The following CNTNAP4 variants were observed in gnomAD, a reference collection of about 807,000 sequenced individuals.
CNTNAP4 encodes contactin-associated protein-like 4.
CNTNAP4 carries 98 observed loss-of-function variants against 148.4 expected under a neutral mutation model. The observed-to-expected ratio is 0.66, with a 90% CI of 0.56 to 0.78. The LOEUF (loss-of-function observed/expected upper bound fraction) is 0.78. Among genes scored for constraint, CNTNAP4 ranks in the 30% least tolerant of loss-of-function variants. The probability of loss-of-function intolerance (pLI) is 0.00; values close to 1 mark genes in which losing one functional copy is unlikely to be tolerated. For synonymous variants in CNTNAP4, 730 were observed against 565.1 expected (o/e 1.29, Z -4.14); for missense variants, 1,935 against 1,565.6 (o/e 1.24, Z -3.98).
intron 15 of CNTNAP4, among the ~76,000 whole-genome samples, chr16:76,517,879 C>A (rs1234508990): frequency 6.6e-6 from 1 of 151,946 alleles, no homozygotes; most frequent in African/African-American, 2.4e-5. Flanking sequence ...TCTCCATAAG[C>A]CTGTTTTTTT....
chr16:76,414,751 G>T (rs904565887), intron 3 of CNTNAP4, among the ~76,000 whole-genome samples: 3 of 151,232 alleles, frequency 2.0e-5, no homozygotes, highest in Non-Finnish European at 4.4e-5. Context: ...GGTAAGTGGC[G>T]ATTGGTTTGG....
At chr16:76,537,473 A>G (rs190680472) in intron 18 of CNTNAP4, among the ~76,000 whole-genome samples, 1 of 152,256 alleles carries the variant, frequency 6.6e-6, no homozygotes, top group Admixed American at 6.5e-5. Context: ...AGAGAGAGGA[A>G]GACAGAGAGA....
At chr16:76,382,776 T>A (rs945817571) in intron 3 of CNTNAP4, among the ~76,000 whole-genome samples, 2 of 152,120 alleles carry the variant, frequency 1.3e-5, no homozygotes, top group African/African-American at 4.8e-5. Context: ...TCTAAAAGGA[T>A]CTAGAATTCC....
chr16:76,372,647 C>T (rs1164858793), intron 3 of CNTNAP4, among the ~76,000 whole-genome samples: 5 of 152,118 alleles, frequency 3.3e-5, no homozygotes, highest in Admixed American at 1.3e-4. Flanking sequence ...TTTCTGCCAC[C>T]ATGTAAGACA....
At position 76,355,362 on chromosome 16, in the gene CNTNAP4, T is replaced by C. The variant is rs1223109927; in HGVS notation, c.241T>C (p.Leu81=). The change falls in exon 3 of 24, where the codon TTG becomes CTG. Residue 81 remains leucine (L), a synonymous_variant. Transcript: ENST00000611870. ...SPLVSNKYQW[L]QIDLGERMEV... ...ACTTGTGTCTAACAAATACCAGTGG[T>C]TGCAGATTGACCTTGGAGAGAGAAT... is the stretch of plus-strand genomic sequence containing the variant. 1 of 1,604,034 alleles carries C rather than the reference T, an allele frequency of 6.2e-7. No homozygotes were observed. The highest frequency in any genetic ancestry group is 1.1e-5 in the South Asian group (1 of 89,926).
intron 2 of CNTNAP4, among the ~76,000 whole-genome samples, chr16:76,342,708 G>A (rs949585993): frequency 2.6e-5 from 4 of 151,962 alleles, no homozygotes; most frequent in South Asian, 2.1e-4. Flanking sequence ...TCCTGACCTC[G>A]TGATCTGCCC....
intron 14 of CNTNAP4, among the ~76,000 whole-genome samples, chr16:76,495,695 CTTAT>C (rs1275646648): frequency 8.6e-5 from 13 of 151,974 alleles, no homozygotes; most frequent in African/African-American, 2.7e-4. Context: ...GTATACTGCT[CTTAT>C]TTATTATTTG....
intron 15 of CNTNAP4, among the ~76,000 whole-genome samples, chr16:76,502,026 G>A (rs923633174): frequency 2.7e-5 from 4 of 150,742 alleles, no homozygotes; most frequent in Admixed American, 2.0e-4. Flanking sequence ...CCGAGATCCC[G>A]CCACTGCACT....
chr16:76,373,660 C>T (rs549110758), intron 3 of CNTNAP4, among the ~76,000 whole-genome samples: 2 of 152,072 alleles, frequency 1.3e-5, no homozygotes, highest in African/African-American at 2.4e-5. Flanking sequence ...TTTGGGAGGC[C>T]GAGGCAGGTG....
chr16:76,452,816 T>G (rs903819729), intron 8 of CNTNAP4, 47 bp downstream of exon 8: 4 of 1,465,534 alleles, frequency 2.7e-6, no homozygotes, highest in Admixed American at 5.6e-5. Context: ...TTGAAAGATT[T>G]CATTATCTCT....
chr16:76,335,456 G>A (rs1023199770), intron 2 of CNTNAP4, among the ~76,000 whole-genome samples: 5 of 152,120 alleles, frequency 3.3e-5, no homozygotes, highest in Admixed American at 6.5e-5. Context: ...GGGAAGATGA[G>A]CAGGCAGAAG....
chr16:76,345,571 G>A (rs912942804), intron 2 of CNTNAP4, among the ~76,000 whole-genome samples: 2 of 152,118 alleles, frequency 1.3e-5, no homozygotes, highest in Admixed American at 6.5e-5. Flanking sequence ...TGGGGATGCG[G>A]GGGGGATTTG....
At chr16:76,476,209 A>G (rs1457498934) in intron 11 of CNTNAP4, among the ~76,000 whole-genome samples, 164 bp downstream of exon 11, 2 of 152,232 alleles carry the variant, frequency 1.3e-5, no homozygotes, top group African/African-American at 4.8e-5. Flanking sequence ...ATAAAAGTAC[A>G]TAATATGAAA....
Position 76,538,951 on chromosome 16 carries a change from G to A in CNTNAP4, c.3220+611G>A, listed in dbSNP as rs547193839. Among the ~76,000 whole-genome samples the A allele has an allele frequency of 9.6e-4, 146 of 152,106 alleles. 3 individuals are homozygous for A. Among genetic ancestry groups the A allele is most frequent in the African/African-American group, 3.3e-3 (135 of 41,524 alleles). On this transcript the variant is annotated intron_variant, in intron 19 of 23. Transcript: ENST00000611870. ...TAAAAATTTTGGAAATAACTTCTCT[G>A]GATAAGAAAAGCAAACATACAAACA...
In CNTNAP4 at chr16:76,489,800, T is replaced by C; in HGVS notation, c.1997T>C (p.Leu666Pro). ...GAGTATGTGGCCAGCATGGAGCAAC[T>C]TCAGGCCACTATTAACCGTGCAGAG... Reference protein sequence around the residue: ...FFEYVASMEQLQATINRAEHC... With the variant: ...FFEYVASMEQPQATINRAEHC... Residue 666 changes from leucine (L) to proline (P), a missense_variant, in exon 13 of 24, where the codon CTT (leucine) becomes CCT (proline). Coordinates refer to ENST00000611870, the MANE Select transcript of CNTNAP4 (RefSeq NM_033401.5). The C allele has an allele frequency of 6.2e-7, 1 of 1,607,076 alleles. No homozygotes were observed. The highest frequency in any genetic ancestry group is 8.5e-7 in the Non-Finnish European group (1 of 1,176,502).
intron 7 of CNTNAP4, 75 bp downstream of exon 7, chr16:76,449,933 G>A (rs2080398401): frequency 7.5e-7 from 1 of 1,331,480 alleles, no homozygotes; most frequent in African/African-American, 1.5e-5. Context: ...TCCATTTTAG[G>A]TTCCCATTTG....
intron 23 of CNTNAP4, among the ~76,000 whole-genome samples, chr16:76,555,833 C>A (rs556944553): frequency 6.6e-6 from 1 of 152,156 alleles, no homozygotes; most frequent in Non-Finnish European, 1.5e-5. Flanking sequence ...TTGCCAGGGT[C>A]CCTGAAACTA....
intron 2 of CNTNAP4, among the ~76,000 whole-genome samples, chr16:76,348,401 A>C (rs528135410): frequency 6.6e-6 from 1 of 152,114 alleles, no homozygotes; most frequent in Non-Finnish European, 1.5e-5. Flanking sequence ...CACGTGGGTA[A>C]TGCTTAAATT....
intron 10 of CNTNAP4, among the ~76,000 whole-genome samples, chr16:76,474,933 A>C (rs1339210367): frequency 6.6e-6 from 1 of 152,214 alleles, no homozygotes; most frequent in Admixed American, 6.5e-5. Flanking sequence ...TTAATTAAAC[A>C]CAGTTACTTA....
Sources: allele counts gnomAD v4.1 joint callset (sites outside exome capture counted in the v4.1 genomes callset), GRCh38; gene constraint gnomAD v4.1.1; transcripts MANE v1.5; gene names NCBI Gene and HGNC (gene_info 2026-07-23, HGNC 2026-07-21).